LIPH: variants seen among roughly 807,000 people sequenced by gnomAD.
LIPH encodes lipase H.
A neutral mutation model predicts 47.6 loss-of-function variants in LIPH; 32 were observed. That is an observed-to-expected ratio of 0.67 (90% CI 0.51 to 0.90). The LOEUF is 0.90. Ranked by LOEUF, LIPH falls within the 40% of genes least tolerant of loss-of-function variation. The pLI is 0.00. For synonymous variants in LIPH, 190 were observed against 195.6 expected (o/e 0.97, Z 0.24); for missense variants, 497 against 541.4 (o/e 0.92, Z 0.81).
chr3:185,509,980 T>C (rs1254328019), intron 9 of LIPH, among the ~76,000 whole-genome samples: 1 of 147,032 alleles, frequency 6.8e-6, no homozygotes, highest in African/African-American at 2.5e-5. Flanking sequence ...AGGGTCTCAC[T>C]CTGTCACCCA....
chr3:185,541,384 A>ATCTT (rs1225760236), intron 1 of LIPH, among the ~76,000 whole-genome samples: 1 of 144,644 alleles, frequency 6.9e-6, no homozygotes, highest in Non-Finnish European at 1.5e-5. Context: ...TTATTTCTGG[A>ATCTT]TCTTTCTTTC....
rs972174410 is a variant in LIPH at position 185,506,858 on chromosome 3, A to C, written c.*1932T>G. 2.9e-5 allele frequency: 4 copies of C among 137,556 alleles called. No homozygotes were observed. Among genetic ancestry groups the C allele is most frequent in the African/African-American group, 1.1e-4 (4 of 37,290 alleles). The allele number at this position is 137,556 out of a possible 1,614,324, so 8.5% of individuals were successfully genotyped here. A position where few individuals can be genotyped will look rare whatever the true frequency, so the allele number is the denominator to read the frequency against. ...AAAAAAAAAAAAAAAAAAAAAAAAA[A>C]AACCAGGGCCTACAGCACACTGATC... is the stretch of plus-strand genomic sequence containing the variant. On this transcript the variant is annotated 3_prime_UTR_variant, in exon 10 of 10. Transcript: ENST00000296252.
chr3:185,535,322 G>A (rs1229848964), intron 1 of LIPH, among the ~76,000 whole-genome samples, 190 bp from the exon 2 acceptor site: 2 of 152,126 alleles, frequency 1.3e-5, no homozygotes, highest in East Asian at 1.9e-4. Flanking sequence ...TCTCACCCAA[G>A]CTGGAGTGCA....
At chr3:185,531,889 G>A (rs1720341810) in intron 3 of LIPH, among the ~76,000 whole-genome samples, 1 of 152,036 alleles carries the variant, frequency 6.6e-6, no homozygotes. Flanking sequence ...ACCCAGGCTT[G>A]AGTGCAGTGG....
Position 185,508,598 on chromosome 3 carries a change from G to A in LIPH, c.*192C>T. 1 of 601,556 alleles carries A rather than the reference G, an allele frequency of 1.7e-6. No homozygotes were observed. Among genetic ancestry groups the A allele is most frequent in the South Asian group, 1.9e-5 (1 of 51,758 alleles). 37.3% of individuals were successfully genotyped at this position (601,556 alleles called of 1,614,324 possible). A position where few individuals can be genotyped will look rare whatever the true frequency, so the allele number is the denominator to read the frequency against. Reference sequence around the variant, plus strand: ...TATTTCTGACTTGCCCTAGTTAGGGGCTCCTTCCCAGGATCGTTTTATAAT... The same window carrying A: ...TATTTCTGACTTGCCCTAGTTAGGGACTCCTTCCCAGGATCGTTTTATAAT... On this transcript the variant is annotated 3_prime_UTR_variant, in exon 10 of 10. Transcript: ENST00000296252.
rs573564680 is a variant in LIPH, at chr3:185,538,854, T to C, written c.50-3722A>G. Among the ~76,000 whole-genome samples, 518 of 133,228 alleles carry C rather than the reference T, an allele frequency of 3.9e-3. 6 individuals carry two copies. Among genetic ancestry groups the C allele is most frequent in the African/African-American group, 0.013 (485 of 36,698 alleles). 87.4% of individuals were successfully genotyped at this position (133,228 alleles called of 152,430 possible). On this transcript the variant is annotated intron_variant, in intron 1 of 9. Transcript: ENST00000296252. ...ATATATACATATATACACATATATA[T>C]ACATATATACATATATACACATATA...
chr3:185,529,946 GAA>G (rs1164479698), intron 3 of LIPH, among the ~76,000 whole-genome samples: 12 of 53,952 alleles, frequency 2.2e-4, no homozygotes, highest in South Asian at 9.3e-4. Flanking sequence ...AAGAAAGAAA[GAA>G]AGAAAGAAAG....
intron 1 of LIPH, among the ~76,000 whole-genome samples, chr3:185,543,757 T>C (rs964589327): frequency 2.0e-5 from 3 of 152,174 alleles, no homozygotes; most frequent in African/African-American, 4.8e-5. Context: ...TCTCCAGTTA[T>C]GTAGTTTTAG....
chr3:185,544,864 C>A (rs74949843), intron 1 of LIPH, among the ~76,000 whole-genome samples: 5,622 of 150,858 alleles, frequency 0.037, 219 homozygotes, highest in East Asian at 0.22. Flanking sequence ...AACCTGCTAG[C>A]ATGTTCTGCA....
chr3:185,509,027 C>G, intron 9 of LIPH, 150 bp from the exon 10 acceptor site: 1 of 646,200 alleles, frequency 1.5e-6, no homozygotes, highest in African/African-American at 1.8e-5. Flanking sequence ...GTGACTCATG[C>G]CTGTAATCCC....
intron 5 of LIPH, among the ~76,000 whole-genome samples, chr3:185,521,133 G>C (rs1282102458): frequency 6.6e-6 from 1 of 152,086 alleles, no homozygotes; most frequent in Non-Finnish European, 1.5e-5. Context: ...CTCCTAAAGT[G>C]CTGGGATTTC....
intron 6 of LIPH, among the ~76,000 whole-genome samples, chr3:185,518,428 C>T (rs1400474429): frequency 6.6e-6 from 1 of 151,818 alleles, no homozygotes; most frequent in Non-Finnish European, 1.5e-5. Flanking sequence ...TTCAGGCGCC[C>T]GCCACCATGC....
rs574992505 is a variant in LIPH at position 185,508,998 on chromosome 3, C to T, written c.1269-121G>A. ...GCAATTGTTTTTAATATAGAAAACACTTACGGTGGCCAGGCACGGTGACTC... is the reference window on the plus strand; with the variant it reads ...GCAATTGTTTTTAATATAGAAAACATTTACGGTGGCCAGGCACGGTGACTC... On this transcript the variant is annotated intron_variant, in intron 9 of 9. Transcript: ENST00000296252. 50 of 726,824 alleles carry T rather than the reference C, an allele frequency of 6.9e-5. No individual in the cohort carries two copies. The Admixed American group carries it at 7.4e-4, about 11-fold the overall frequency. 45.0% of individuals were successfully genotyped at this position (726,824 alleles called of 1,614,324 possible). A position where few individuals can be genotyped will look rare whatever the true frequency, so the allele number is the denominator to read the frequency against.
In LIPH at chr3:185,524,147, C is replaced by A. The variant is rs781295663; in HGVS notation, c.642G>T (p.Lys214Asn). 8 of 1,610,510 alleles carry A rather than the reference C, an allele frequency of 5.0e-6. No individual in the cohort carries two copies. The highest frequency in any genetic ancestry group is 6.8e-6 in the Non-Finnish European group (8 of 1,176,694). The change falls in exon 5 of 10, where the codon AAG becomes AAT. Residue 214 changes from lysine to asparagine, a missense_variant. Transcript: ENST00000296252. Reference sequence around the variant, plus strand: ...AGAAGTCTATGTTTCCTAATGGCTCCTTGTAGCCCAGTGCTAAAAGAGAAC... The same window carrying A: ...AGAAGTCTATGTTTCCTAATGGCTCATTGTAGCCCAGTGCTAAAAGAGAAC... ...IHSDTDALGY[K>N]EPLGNIDFYP... is the part of the protein sequence containing the mutation.
At chr3:185,541,095 T>G (rs1314679587) in intron 1 of LIPH, among the ~76,000 whole-genome samples, 1 of 152,246 alleles carries the variant, frequency 6.6e-6, no homozygotes, top group African/African-American at 2.4e-5. Flanking sequence ...TTCTACCTCC[T>G]GATTTTTATT....
At chr3:185,527,453 T>C in intron 4 of LIPH, 31 bp downstream of exon 4, 1 of 1,418,262 alleles carries the variant, frequency 7.1e-7, no homozygotes, top group African/African-American at 1.4e-5. Flanking sequence ...AGCCTGGCGG[T>C]GTCACTGACC....
intron 7 of LIPH, among the ~76,000 whole-genome samples, chr3:185,515,366 A>C (rs1338575847): frequency 6.6e-6 from 1 of 152,118 alleles, no homozygotes; most frequent in East Asian, 1.9e-4. Context: ...GGGAGATGAC[A>C]GTCCCACGAA....
chr3:185,527,275 T>C (rs1457623740), intron 4 of LIPH, among the ~76,000 whole-genome samples: 1 of 151,786 alleles, frequency 6.6e-6, no homozygotes, highest in Non-Finnish European at 1.5e-5. Context: ...GAAGAGACCG[T>C]GGGATAATCA....
At position 185,548,427 on chromosome 3, in the gene LIPH, CA is replaced by C. The variant is rs201314418; in HGVS notation, c.49+3995del. The stretch of plus-strand genomic sequence containing the variant: ...TCACATAAAAGGAAAAAAAAAACAA[CA>C]AAAAAAAACTCATCCTAGGTCAAGC... On this transcript the variant is annotated intron_variant, in intron 1 of 9. Coordinates refer to ENST00000296252, the MANE Select transcript of LIPH (RefSeq NM_139248.3). Among the ~76,000 whole-genome samples the C allele has an allele frequency of 4.8e-5, 7 of 147,330 alleles. 1 individual carries two copies. Among genetic ancestry groups the C allele is most frequent in the African/African-American group, 1.5e-4 (6 of 39,864 alleles).
Sources: allele counts gnomAD v4.1 joint callset (sites outside exome capture counted in the v4.1 genomes callset), GRCh38; gene constraint gnomAD v4.1.1; transcripts MANE v1.5; gene names NCBI Gene and HGNC (gene_info 2026-07-23, HGNC 2026-07-21).